The following CDH18 variants were observed in gnomAD, a reference collection of about 807,000 sequenced individuals.
The protein encoded by CDH18 is cadherin 18, also known as cadherin-18.
Under a neutral mutation model 67.9 loss-of-function variants are expected in CDH18, and 31 were observed. The observed-to-expected ratio is 0.46, with a 90% CI of 0.34 to 0.62. CDH18 has a LOEUF of 0.62. CDH18 is among the 20% of genes least tolerant of loss of function. The pLI is 0.01. For synonymous variants in CDH18, 362 were observed against 347.2 expected (o/e 1.04, Z -0.48); for missense variants, 890 against 975.5 (o/e 0.91, Z 1.17).
chr5:19,968,643 T>G (rs1470614353), intron 2 of CDH18, among the ~76,000 whole-genome samples: 3 of 146,596 alleles, frequency 2.0e-5, no homozygotes, highest in Non-Finnish European at 2.9e-5. Flanking sequence ...TAGCCATATG[T>G]AGAAAGCTGA....
chr5:19,657,037 A>G (rs1756501574), intron 5 of CDH18, among the ~76,000 whole-genome samples: 4 of 152,114 alleles, frequency 2.6e-5, no homozygotes, highest in Admixed American at 2.6e-4. Context: ...AAATAATATT[A>G]GTCTTAGGTC....
At chr5:20,409,298 A>G (rs1487161128) in intron 1 of CDH18, among the ~76,000 whole-genome samples, 2 of 151,898 alleles carry the variant, frequency 1.3e-5, no homozygotes, top group Admixed American at 1.3e-4. Context: ...AACACATTTA[A>G]TAAGATTGAT....
chr5:19,734,079 CA>C (rs1458800155), intron 4 of CDH18, among the ~76,000 whole-genome samples: 1 of 152,156 alleles, frequency 6.6e-6, no homozygotes, highest in Non-Finnish European at 1.5e-5. Context: ...ATGAATGCAA[CA>C]AAATTTCACA....
intron 3 of CDH18, among the ~76,000 whole-genome samples, chr5:19,800,989 G>A (rs1777404113): frequency 6.6e-6 from 1 of 152,130 alleles, no homozygotes; most frequent in Non-Finnish European, 1.5e-5. Context: ...GTGGCAGCAT[G>A]CACATGCAGT....
intron 5 of CDH18, among the ~76,000 whole-genome samples, chr5:19,614,006 C>T (rs1246739313): frequency 6.6e-6 from 1 of 152,012 alleles, no homozygotes; most frequent in Admixed American, 6.6e-5. Flanking sequence ...CAAACTCGCA[C>T]TTGATTAGTT....
chr5:19,507,144 A>G lies in CDH18; in HGVS notation c.1513-4035T>C, dbSNP rs150249456. ...GAAGACATTTATGCAGCCAAAAGAC[A>G]CATGAAAAAATGCTTATCATCATTG... On this transcript the variant is annotated intron_variant, in intron 10 of 12. Coordinates refer to ENST00000382275, the MANE Select transcript of CDH18 (RefSeq NM_004934.5). Among the ~76,000 whole-genome samples the G allele has an allele frequency of 3.4e-3, 516 of 152,318 alleles. 2 individuals are homozygous for G. The highest frequency in any genetic ancestry group is 6.8e-3 in the Middle Eastern group (2 of 294).
chr5:19,608,744 G>A (rs1748478827), intron 6 of CDH18, among the ~76,000 whole-genome samples: 2 of 151,690 alleles, frequency 1.3e-5, no homozygotes, highest in Admixed American at 1.3e-4. Context: ...AGAAAGTTAT[G>A]TTAGATTAAG....
intron 11 of CDH18, among the ~76,000 whole-genome samples, chr5:19,484,818 C>T (rs1740098786): frequency 6.6e-6 from 1 of 152,222 alleles, no homozygotes; most frequent in South Asian, 2.1e-4. Flanking sequence ...ATCCCAATGG[C>T]ATACTCCACT....
At chr5:19,570,761 T>A (rs563480776) in intron 8 of CDH18, among the ~76,000 whole-genome samples, 11 of 152,294 alleles carry the variant, frequency 7.2e-5, no homozygotes, top group African/African-American at 2.6e-4. Context: ...TGATTATCTC[T>A]CCAGCATGAT....
Position 19,595,602 on chromosome 5 carries a change from G to A in CDH18, c.812-4358C>T, listed in dbSNP as rs578009225. On this transcript the variant is annotated intron_variant, in intron 6 of 12. Coordinates refer to ENST00000382275, the MANE Select transcript of CDH18 (RefSeq NM_004934.5). ...TTGTGCCACTGCACTCAGCCTGGGC[G>A]ACAGAGCGAGACTCCATCTCAAAAA... Among the ~76,000 whole-genome samples, 64 of 152,288 alleles carry A rather than the reference G, an allele frequency of 4.2e-4. 2 individuals are homozygous for A. In the South Asian group the frequency reaches 0.013, roughly 31 times the overall value.
At chr5:20,333,249 C>T (rs1739351642) in intron 1 of CDH18, among the ~76,000 whole-genome samples, 1 of 152,020 alleles carries the variant, frequency 6.6e-6, no homozygotes, top group South Asian at 2.1e-4. Flanking sequence ...TGGCTCACAC[C>T]TGTAATCCCA....
At chr5:20,134,805 A>G (rs1299901470) in intron 2 of CDH18, among the ~76,000 whole-genome samples, 2 of 152,022 alleles carry the variant, frequency 1.3e-5, no homozygotes, top group Non-Finnish European at 2.9e-5. Flanking sequence ...TGTGTCTTTC[A>G]GGTCTTTTAA....
chr5:19,597,582 T>G (rs1197978258), intron 6 of CDH18, among the ~76,000 whole-genome samples: 3 of 152,148 alleles, frequency 2.0e-5, no homozygotes, highest in Non-Finnish European at 4.4e-5. Flanking sequence ...TCCTATGATT[T>G]TATACTTTGA....
intron 2 of CDH18, among the ~76,000 whole-genome samples, chr5:19,893,218 A>T (rs1788962727): frequency 6.6e-6 from 1 of 152,196 alleles, no homozygotes; most frequent in Non-Finnish European, 1.5e-5. Context: ...TATTGTTTGT[A>T]AGCTAGCTAA....
chr5:20,175,393 T>C (rs908090915), intron 2 of CDH18, among the ~76,000 whole-genome samples: 3 of 152,134 alleles, frequency 2.0e-5, no homozygotes, highest in Non-Finnish European at 4.4e-5. Context: ...GTAAAGTTTC[T>C]TGTGGTTGAT....
intron 1 of CDH18, among the ~76,000 whole-genome samples, chr5:20,417,113 A>G (rs1747377842): frequency 6.6e-6 from 1 of 152,148 alleles, no homozygotes; most frequent in Non-Finnish European, 1.5e-5. Flanking sequence ...TTAAGTGGCT[A>G]GCCTGAAAAT....
At chr5:19,578,816 T>C (rs1420236757) in intron 7 of CDH18, among the ~76,000 whole-genome samples, 1 of 151,924 alleles carries the variant, frequency 6.6e-6, no homozygotes, top group African/African-American at 2.4e-5. Context: ...TTTTCTGTGA[T>C]TTGAGAATTC....
intron 1 of CDH18, among the ~76,000 whole-genome samples, chr5:20,299,879 G>A (rs1747830717): frequency 1.3e-5 from 2 of 152,022 alleles, no homozygotes; most frequent in African/African-American, 4.8e-5. Context: ...AGGAAGCTGG[G>A]ACATATTTTA....
At chr5:20,365,828 T>C (rs1327746828) in intron 1 of CDH18, among the ~76,000 whole-genome samples, 2 of 152,174 alleles carry the variant, frequency 1.3e-5, no homozygotes, top group Non-Finnish European at 2.9e-5. Flanking sequence ...ATTAAAACTA[T>C]ACTTTGCTTT....
Sources: allele counts gnomAD v4.1 joint callset (sites outside exome capture counted in the v4.1 genomes callset), GRCh38; gene constraint gnomAD v4.1.1; transcripts MANE v1.5; gene names NCBI Gene and HGNC (gene_info 2026-07-23, HGNC 2026-07-21).